NHERF1: variants seen among roughly 807,000 people sequenced by gnomAD.
The protein encoded by NHERF1 is Na(+)/H(+) exchange regulatory cofactor NHE-RF1.
chr17:74,765,803 C>T, the NHERF1 span, among the ~76,000 whole-genome samples: 1 of 152,154 alleles, frequency 6.6e-6, no homozygotes, highest in East Asian at 1.9e-4. Flanking sequence ...CCGCCTGCCA[C>T]AGTCTCCCAA....
chr17:74,765,416 C>T, the NHERF1 span, among the ~76,000 whole-genome samples: 2 of 151,958 alleles, frequency 1.3e-5, no homozygotes, highest in Non-Finnish European at 2.9e-5. Flanking sequence ...TGCGCCACCA[C>T]GCCCAGCAAA....
chr17:74,749,153 G>C, the NHERF1 span: 1 of 1,551,080 alleles, frequency 6.4e-7, no homozygotes, highest in South Asian at 1.2e-5. This position sits in a 1 kb window ranked among gnomAD's most constrained non-coding sequence, Gnocchi z 5.6. Flanking sequence ...GCAGAAGCTC[G>C]GCGTCCAGGT....
At chr17:74,761,282 T>G in the NHERF1 span, among the ~76,000 whole-genome samples, 7 of 152,294 alleles carry the variant, frequency 4.6e-5, no homozygotes, top group African/African-American at 1.7e-4. The surrounding 1 kb of genome is among the most constrained non-coding windows in gnomAD (Gnocchi z 4.3). Flanking sequence ...GGGGTCTCTG[T>G]GCTTCCGTTG....
At chr17:74,748,736 C>G in the NHERF1 span, 1 of 1,012,334 alleles carries the variant, frequency 9.9e-7, no homozygotes, top group Non-Finnish European at 1.4e-6. This position sits in a 1 kb window ranked among gnomAD's most constrained non-coding sequence, Gnocchi z 4.3. Flanking sequence ...TCCGGCGGCT[C>G]AGGGCTTCTC....
chr17:74,749,135 G>T, the NHERF1 span: 3 of 1,565,038 alleles, frequency 1.9e-6, no homozygotes, highest in Non-Finnish European at 2.6e-6. The surrounding 1 kb of genome is among the most constrained non-coding windows in gnomAD (Gnocchi z 5.6). Context: ...CGAGACGGAC[G>T]AGCAGCTGCA....
At chr17:74,762,021 C>T in the NHERF1 span, 104 of 1,614,010 alleles carry the variant, frequency 6.4e-5, no homozygotes, top group South Asian at 1.5e-4. This position sits in a 1 kb window ranked among gnomAD's most constrained non-coding sequence, Gnocchi z 4.2. Flanking sequence ...GCGCGAGCTT[C>T]GGCCTCGGCT....
chr17:74,750,282 C>T, the NHERF1 span, among the ~76,000 whole-genome samples: 1 of 152,142 alleles, frequency 6.6e-6, no homozygotes, highest in Non-Finnish European at 1.5e-5. Context: ...TTGTGCTGAG[C>T]CTCCTGTCCC....
the NHERF1 span, among the ~76,000 whole-genome samples, chr17:74,755,728 G>A: frequency 3.9e-5 from 6 of 152,270 alleles, no homozygotes; most frequent in Middle Eastern, 3.4e-3. Flanking sequence ...GCACAGGTCT[G>A]TGCTGTCCGG....
the NHERF1 span, among the ~76,000 whole-genome samples, chr17:74,751,021 A>C: frequency 3.8e-4 from 58 of 152,306 alleles, no homozygotes; most frequent in African/African-American, 1.3e-3. This position sits in a 1 kb window ranked among gnomAD's most constrained non-coding sequence, Gnocchi z 4.3. Flanking sequence ...AATCCTGGGG[A>C]CACCATCACC....
chr17:74,768,348 T>C, the NHERF1 span: 43 of 1,397,634 alleles, frequency 3.1e-5, no homozygotes, highest in Non-Finnish European at 4.4e-5. Flanking sequence ...AGCCGCATTC[T>C]GTTCTTGTGA....
the NHERF1 span, among the ~76,000 whole-genome samples, chr17:74,765,425 A>G: frequency 1.3e-5 from 2 of 151,708 alleles, no homozygotes; most frequent in Non-Finnish European, 2.9e-5. Context: ...ACGCCCAGCA[A>G]ATTTTTATAT....
chr17:74,766,376 CT>C, the NHERF1 span, among the ~76,000 whole-genome samples: 1 of 151,528 alleles, frequency 6.6e-6, no homozygotes, highest in African/African-American at 2.4e-5. Context: ...TTCTTTTTGT[CT>C]TTTTTAGTAG....
the NHERF1 span, chr17:74,766,879 C>T: frequency 5.7e-6 from 9 of 1,569,014 alleles, no homozygotes; most frequent in East Asian, 4.5e-5. Flanking sequence ...CCTACCTCCT[C>T]TCCACGCTCT....
the NHERF1 span, chr17:74,768,977 G>C: frequency 4.9e-6 from 2 of 409,142 alleles, no homozygotes; most frequent in Non-Finnish European, 9.0e-6. Flanking sequence ...CAGGCGAGAG[G>C]GCACCCTCCC....
At chr17:74,749,577 G>GC in the NHERF1 span, among the ~76,000 whole-genome samples, 1 of 152,184 alleles carries the variant, frequency 6.6e-6, no homozygotes, top group East Asian at 1.9e-4. The surrounding 1 kb of genome is among the most constrained non-coding windows in gnomAD (Gnocchi z 5.6). Flanking sequence ...GGGGAACCCA[G>GC]CCCCCTTCCC....
At chr17:74,762,160 A>T in the NHERF1 span, 1 of 1,614,092 alleles carries the variant, frequency 6.2e-7, no homozygotes, top group Admixed American at 1.7e-5. The surrounding 1 kb of genome is among the most constrained non-coding windows in gnomAD (Gnocchi z 4.2). Context: ...CGGGCCCAGG[A>T]TCGCATTGTG....
At chr17:74,763,559 G>A in the NHERF1 span, 42 of 1,556,092 alleles carry the variant, frequency 2.7e-5, no homozygotes, top group Admixed American at 7.8e-5. Flanking sequence ...TGGGGCTGGA[G>A]CCCCCCAAGT....
chr17:74,758,258 G>T, the NHERF1 span, among the ~76,000 whole-genome samples: 2 of 152,266 alleles, frequency 1.3e-5, no homozygotes, highest in Non-Finnish European at 2.9e-5. This position sits in a 1 kb window ranked among gnomAD's most constrained non-coding sequence, Gnocchi z 4.3. Flanking sequence ...GTGGGTGGAG[G>T]TGATGGGGCG....
At chr17:74,757,609 G>A in the NHERF1 span, among the ~76,000 whole-genome samples, 1 of 151,866 alleles carries the variant, frequency 6.6e-6, no homozygotes, top group African/African-American at 2.4e-5. Flanking sequence ...ACTCCAGGCA[G>A]GGCCAGCTGT....
Sources: gnomAD v4.1 joint callset for allele counts (sites outside exome capture counted in the v4.1 genomes callset) on GRCh38, gnomAD v4.1.1 for gene constraint, Gnocchi (gnomAD v3.1) non-coding constraint, MANE v1.5 for transcripts, NCBI Gene and HGNC (gene_info 2026-07-23, HGNC 2026-07-21) for gene names.